FIGN: variants seen among roughly 807,000 people sequenced by gnomAD.
The protein encoded by FIGN is fidgetin.
A neutral mutation model predicts 51.3 loss-of-function variants in FIGN; 11 were observed. That is an observed-to-expected ratio of 0.21 (90% CI 0.13 to 0.35). The LOEUF (loss-of-function observed/expected upper bound fraction) is 0.35. Among genes scored for constraint, FIGN ranks in the 10% least tolerant of loss-of-function variants. The probability of loss-of-function intolerance (pLI) is 1.00; values close to 1 mark genes in which losing one functional copy is unlikely to be tolerated. For missense variants in FIGN, 857 were observed against 943.6 expected (o/e 0.91, Z 1.20); for synonymous variants, 407 against 363.2 (o/e 1.12, Z -1.37).
At chr2:163,665,796 G>GA (rs1319380122) in intron 2 of FIGN, among the ~76,000 whole-genome samples, 2 of 151,896 alleles carry the variant, frequency 1.3e-5, no homozygotes, top group Non-Finnish European at 2.9e-5. Context: ...AATGGAGAGT[G>GA]AAAAAAAATG....
intron 2 of FIGN, among the ~76,000 whole-genome samples, chr2:163,643,780 T>A (rs1273855922): frequency 6.7e-6 from 1 of 149,496 alleles, no homozygotes; most frequent in African/African-American, 2.5e-5. Context: ...ATGGTGAAAC[T>A]CAGAAGCTGG....
chr2:163,649,932 T>C (rs966347612), intron 2 of FIGN, among the ~76,000 whole-genome samples: 4 of 151,960 alleles, frequency 2.6e-5, no homozygotes, highest in African/African-American at 9.7e-5. Flanking sequence ...TGACAGAGAG[T>C]CTGAGTACCA....
intron 2 of FIGN, among the ~76,000 whole-genome samples, chr2:163,731,907 T>C (rs797004255): frequency 3.3e-5 from 5 of 152,266 alleles, no homozygotes; most frequent in African/African-American, 7.2e-5. Context: ...AATTAGCAAG[T>C]ATTACACTTC....
At chr2:163,613,166 G>A (rs1206785393) in intron 2 of FIGN, among the ~76,000 whole-genome samples, 1 of 151,986 alleles carries the variant, frequency 6.6e-6, no homozygotes, top group Non-Finnish European at 1.5e-5. Flanking sequence ...GAAGAGGACT[G>A]GTACCCTGTT....
At chr2:163,684,142 T>C (rs1323418182) in intron 2 of FIGN, among the ~76,000 whole-genome samples, 1 of 151,456 alleles carries the variant, frequency 6.6e-6, no homozygotes, top group Non-Finnish European at 1.5e-5. Flanking sequence ...AGGATCATTA[T>C]GATGTTTGTC....
At chr2:163,614,240 C>T (rs751509524) in intron 2 of FIGN, among the ~76,000 whole-genome samples, 4 of 151,930 alleles carry the variant, frequency 2.6e-5, no homozygotes, top group East Asian at 1.9e-4. Flanking sequence ...GTGAAATGAC[C>T]GAAACCACAC....
intron 2 of FIGN, among the ~76,000 whole-genome samples, chr2:163,639,838 A>G (rs991192866): frequency 6.6e-6 from 1 of 152,316 alleles, no homozygotes; most frequent in South Asian, 2.1e-4. Flanking sequence ...ACCTTTTCCA[A>G]GTATTTTATT....
At chr2:163,715,616 G>C (rs1007277905) in intron 2 of FIGN, among the ~76,000 whole-genome samples, 13 of 152,170 alleles carry the variant, frequency 8.5e-5, no homozygotes, top group African/African-American at 3.1e-4. Flanking sequence ...AAGAGGGAAT[G>C]AATGAGCAAA....
In FIGN at chr2:163,733,746, C is replaced by T. The variant is rs142027713; in HGVS notation, c.25+1157G>A. 4.0e-3 allele frequency among the ~76,000 whole-genome samples: 611 copies of T among 152,250 alleles called. 5 individuals are homozygous for T. Among genetic ancestry groups the T allele is most frequent in the African/African-American group, 0.014 (574 of 41,552 alleles). ...CAATAGTCACCAGAGTCCAACCAGACGTGTATGTCGCGCAACGGGTCTTGT... is the reference window on the plus strand; with the variant it reads ...CAATAGTCACCAGAGTCCAACCAGATGTGTATGTCGCGCAACGGGTCTTGT... On this transcript the variant is annotated intron_variant, in intron 2 of 2. Transcript: ENST00000333129.
At chr2:163,680,035 G>T (rs934945632) in intron 2 of FIGN, among the ~76,000 whole-genome samples, 1 of 152,194 alleles carries the variant, frequency 6.6e-6, no homozygotes, top group African/African-American at 2.4e-5. Context: ...GACATAAAGC[G>T]TGGAATGATT....
intron 2 of FIGN, among the ~76,000 whole-genome samples, chr2:163,679,589 T>C (rs1684027549): frequency 6.6e-6 from 1 of 152,224 alleles, no homozygotes; most frequent in Admixed American, 6.5e-5. Context: ...CTAATCCTGG[T>C]CTAACTTTCC....
chr2:163,619,809 CCTTAAAATTTCCTA>C (rs1435173565), intron 2 of FIGN, among the ~76,000 whole-genome samples: 32 of 152,102 alleles, frequency 2.1e-4, no homozygotes, highest in Admixed American at 4.6e-4. Context: ...GTAATTTTTC[CCTTAAAATTTCCTA>C]TACTTAAAGT....
At chr2:163,632,031 C>T (rs6432766) in intron 2 of FIGN, among the ~76,000 whole-genome samples, 127,351 of 152,026 alleles carry the variant, frequency 0.84, 53,774 homozygotes, top group Middle Eastern at 0.91. Context: ...GCCTGTAATC[C>T]CAGCTACTTG....
At chr2:163,655,583 T>G (rs1683545820) in intron 2 of FIGN, among the ~76,000 whole-genome samples, 1 of 152,154 alleles carries the variant, frequency 6.6e-6, no homozygotes, top group African/African-American at 2.4e-5. Flanking sequence ...TAATCACATT[T>G]TTATAATTCA....
At chr2:163,712,465 C>G (rs1005256445) in intron 2 of FIGN, among the ~76,000 whole-genome samples, 3 of 152,192 alleles carry the variant, frequency 2.0e-5, no homozygotes. Context: ...ATCAATTACT[C>G]TCATTTTCTA....
chr2:163,636,600 T>A (rs1683229286), intron 2 of FIGN, among the ~76,000 whole-genome samples: 1 of 152,164 alleles, frequency 6.6e-6, no homozygotes, highest in Non-Finnish European at 1.5e-5. Flanking sequence ...GGTGATATTA[T>A]AATGAAGATG....
chr2:163,610,452 T>TTGC lies in FIGN; in HGVS notation c.1377_1379dup (p.Gln460dup), dbSNP rs780639324. ...TGAGGTGCGTGTCAGTATTCTTCAG[T>TTGC]TGCTCGTCCACAGAGTGGTTGGATG... On this transcript the variant is annotated inframe_insertion, in exon 3 of 3. Transcript: ENST00000333129. The TTGC allele has an allele frequency of 5.6e-6, 9 of 1,614,132 alleles. No homozygotes were observed. The South Asian group carries it at 7.7e-5, about 14-fold the overall frequency.
chr2:163,684,973 G>C (rs1684123872), intron 2 of FIGN, among the ~76,000 whole-genome samples: 2 of 144,714 alleles, frequency 1.4e-5, no homozygotes, highest in Admixed American at 7.0e-5. Context: ...TTTTAGTAGA[G>C]ACAAGGTTTT....
chr2:163,726,443 T>C (rs1292932868), intron 2 of FIGN, among the ~76,000 whole-genome samples: 1 of 152,080 alleles, frequency 6.6e-6, no homozygotes, highest in African/African-American at 2.4e-5. Flanking sequence ...CTTTAGAAAG[T>C]AAAAATGGTG....
Sources: allele counts gnomAD v4.1 joint callset (sites outside exome capture counted in the v4.1 genomes callset), GRCh38; gene constraint gnomAD v4.1.1; transcripts MANE v1.5; gene names NCBI Gene and HGNC (gene_info 2026-07-23, HGNC 2026-07-21).